ADAMTS20: variants seen among roughly 807,000 people sequenced by gnomAD.
The protein encoded by ADAMTS20 is A disintegrin and metalloproteinase with thrombospondin motifs 20.
A neutral mutation model predicts 260.1 loss-of-function variants in ADAMTS20; 225 were observed. That is an observed-to-expected ratio of 0.87 (90% CI 0.78 to 0.97). The LOEUF (loss-of-function observed/expected upper bound fraction) is 0.97. Ranked by LOEUF, ADAMTS20 falls within the 50% of genes least tolerant of loss-of-function variation. The pLI, the probability that ADAMTS20 is intolerant of heterozygous loss-of-function variation, is 0.00. For synonymous variants in ADAMTS20, 802 were observed against 769.5 expected, an observed-to-expected ratio of 1.04 and a Z score of -0.70; for missense variants, 2,400 against 2,337.7, an observed-to-expected ratio of 1.03 and a Z score of -0.55.
chr12:43,508,984 A>G (rs1263396716), intron 3 of ADAMTS20, among the ~76,000 whole-genome samples: 2 of 152,160 alleles, frequency 1.3e-5, no homozygotes, highest in Non-Finnish European at 2.9e-5. Context: ...ACTCCCACTT[A>G]TAAATATTGA....
chr12:43,410,817 G>T (rs565121689), intron 28 of ADAMTS20, among the ~76,000 whole-genome samples: 17 of 152,334 alleles, frequency 1.1e-4, no homozygotes, highest in African/African-American at 4.1e-4. Context: ...AGTGCAGAAT[G>T]AGAATTGGAA....
At chr12:43,435,654 A>AC (rs1371841715) in intron 18 of ADAMTS20, among the ~76,000 whole-genome samples, 1 of 144,816 alleles carries the variant, frequency 6.9e-6, no homozygotes, top group African/African-American at 2.5e-5. Context: ...AAAAAAAAAA[A>AC]AAACAAAAAA....
At chr12:43,471,727 C>T (rs2137394833) in intron 7 of ADAMTS20, among the ~76,000 whole-genome samples, 1 of 144,340 alleles carries the variant, frequency 6.9e-6, no homozygotes, top group Middle Eastern at 3.5e-3. Flanking sequence ...CAGGGGCACA[C>T]TGACACCTCA....
At chr12:43,405,229 C>CCAAAAAA (rs1410899520) in intron 28 of ADAMTS20, among the ~76,000 whole-genome samples, 1,856 of 52,796 alleles carry the variant, frequency 0.035, 466 homozygotes, top group East Asian at 0.19. Flanking sequence ...CTCATCTCTA[C>CCAAAAAA]AAAAAAAAAA....
intron 19 of ADAMTS20, among the ~76,000 whole-genome samples, chr12:43,433,994 G>T (rs1941501294): frequency 6.6e-6 from 1 of 152,040 alleles, no homozygotes; most frequent in Admixed American, 6.5e-5. Flanking sequence ...TTATTTTACA[G>T]ACAAAATTAC....
chr12:43,552,036 C>A lies in ADAMTS20; in HGVS notation c.-115G>T. Reference sequence around the variant, plus strand: ...CTCTCGCCCGCCGCTCTCCGCGCCTCAGCAGCCTAGGGAACAGCAGCGCGG... The same window carrying A: ...CTCTCGCCCGCCGCTCTCCGCGCCTAAGCAGCCTAGGGAACAGCAGCGCGG... On this transcript the variant is annotated 5_prime_UTR_variant, in exon 1 of 39. The change abolishes the stop of an existing upstream ORF in the 5' untranslated region. Coordinates refer to ENST00000389420, the MANE Select transcript of ADAMTS20 (RefSeq NM_025003.5). The A allele has an allele frequency of 1.1e-6, 1 of 887,444 alleles. No homozygotes were observed. Among genetic ancestry groups the A allele is most frequent in the Non-Finnish European group, 1.8e-6 (1 of 555,036 alleles). 55.0% of individuals were successfully genotyped at this position (887,444 alleles called of 1,614,324 possible). A position where few individuals can be genotyped will look rare whatever the true frequency, so the allele number is the denominator to read the frequency against.
intron 37 of ADAMTS20, among the ~76,000 whole-genome samples, chr12:43,367,298 A>T (rs1321312620): frequency 6.6e-6 from 1 of 152,048 alleles, no homozygotes; most frequent in Non-Finnish European, 1.5e-5. Flanking sequence ...TTCTCAAAAA[A>T]TAGTAGCAAA....
Position 43,454,018 on chromosome 12 carries a change from G to T in ADAMTS20, c.1649C>A (p.Thr550Lys), listed in dbSNP as rs775448634. 2.5e-6 allele frequency: 4 copies of T among 1,613,458 alleles called. No individual in the cohort carries two copies. In the African/African-American group the frequency reaches 5.3e-5, roughly 22 times the overall value. The change falls in exon 12 of 39, where the codon ACG becomes AAG. Residue 550 changes from threonine (T) to lysine (K), a missense_variant. Transcript: ENST00000389420. ...CRHGLCVNKE[T>K]ETRPVNGEWG... Reference sequence around the variant, plus strand: ...TTCACCATTTACAGGACGTGTTTCCGTTTCTTTGTTTACACATAGCCCATG... The same window carrying T: ...TTCACCATTTACAGGACGTGTTTCCTTTTCTTTGTTTACACATAGCCCATG...
In ADAMTS20 at chr12:43,551,968, G is replaced by C; in HGVS notation, c.-47C>G. 6.4e-7 allele frequency: 1 copy of C among 1,555,836 alleles called. No individual in the cohort carries two copies. Among genetic ancestry groups the C allele is most frequent in the Non-Finnish European group, 8.8e-7 (1 of 1,130,076 alleles). ...ATCGGGGAGGCCCACCAGAGCCGCC[G>C]GCAGCCAAGCCGGCTTCCCTCGCGC... is the stretch of plus-strand genomic sequence containing the variant. On this transcript the variant is annotated 5_prime_UTR_variant, in exon 1 of 39. Coordinates refer to ENST00000389420, the MANE Select transcript of ADAMTS20 (RefSeq NM_025003.5). The surrounding 1 kb of genome is among the most constrained non-coding windows in gnomAD (Gnocchi z 4.6).
At chr12:43,422,079 C>G (rs933481876) in intron 28 of ADAMTS20, among the ~76,000 whole-genome samples, 1 of 152,002 alleles carries the variant, frequency 6.6e-6, no homozygotes, top group Non-Finnish European at 1.5e-5. Flanking sequence ...ACAATCATTT[C>G]ACGCTGACTA....
In ADAMTS20 at chr12:43,432,689, T is replaced by C. The variant is rs765844539; in HGVS notation, c.2843A>G (p.Tyr948Cys). 18 of 1,613,382 alleles carry C rather than the reference T, an allele frequency of 1.1e-5. No homozygotes were observed. The highest frequency in any genetic ancestry group is 4.0e-5 in the African/African-American group (3 of 74,924). ...EGQTVQVDDH[Y>C]CGDQLKPPTQ... The stretch of plus-strand genomic sequence containing the variant: ...AGGAGGTTTAAGCTGGTCACCACAG[T>C]AGTGGTCATCAACTTGAACAGTCTG... Residue 948 changes from tyrosine to cysteine, a missense_variant, in exon 20 of 39, where the codon TAC (tyrosine) becomes TGC (cysteine). Transcript: ENST00000389420.
chr12:43,474,582 A>T, intron 7 of ADAMTS20, among the ~76,000 whole-genome samples: 1 of 100,206 alleles, frequency 1.0e-5, no homozygotes, highest in South Asian at 4.3e-4. Flanking sequence ...TTGATGCAAA[A>T]ATCCTCAATA....
At chr12:43,546,370 GA>G (rs1943440718) in intron 2 of ADAMTS20, among the ~76,000 whole-genome samples, 1 of 152,108 alleles carries the variant, frequency 6.6e-6, no homozygotes, top group Non-Finnish European at 1.5e-5. Context: ...CCTTCAACCA[GA>G]AAGACTGCAT....
At chr12:43,409,022 CT>C (rs567333315) in intron 28 of ADAMTS20, among the ~76,000 whole-genome samples, 21 of 151,892 alleles carry the variant, frequency 1.4e-4, no homozygotes, top group Admixed American at 3.3e-4. Context: ...ACCTGTATTC[CT>C]TTTTTTTACT....
chr12:43,360,919 G>A (rs181247974), intron 37 of ADAMTS20, among the ~76,000 whole-genome samples: 9 of 152,252 alleles, frequency 5.9e-5, no homozygotes, highest in Admixed American at 2.0e-4. Context: ...GACATTAGCC[G>A]AATATGATTA....
chr12:43,415,184 G>C (rs963021911), intron 28 of ADAMTS20, among the ~76,000 whole-genome samples: 1 of 152,036 alleles, frequency 6.6e-6, no homozygotes, highest in East Asian at 1.9e-4. Flanking sequence ...GTCAGAAAAG[G>C]GTTACCTTTT....
At chr12:43,469,086 G>A (rs577919310) in intron 7 of ADAMTS20, among the ~76,000 whole-genome samples, 229 of 152,086 alleles carry the variant, frequency 1.5e-3, no homozygotes, top group African/African-American at 5.3e-3. Context: ...AAGCTAATAA[G>A]AGAAAAAAAT....
chr12:43,369,445 CAG>C, intron 36 of ADAMTS20, 64 bp from the exon 37 acceptor site: 10 of 940,056 alleles, frequency 1.1e-5, no homozygotes, highest in Non-Finnish European at 1.4e-5. Context: ...TTGTCAAACA[CAG>C]AGTTTTCTTA....
At chr12:43,484,904 G>T (rs938203578) in intron 7 of ADAMTS20, among the ~76,000 whole-genome samples, 1 of 151,962 alleles carries the variant, frequency 6.6e-6, no homozygotes, top group African/African-American at 2.4e-5. Flanking sequence ...CAGTCATCAG[G>T]CTATCTAAAG....
Sources: gnomAD v4.1 joint callset for allele counts (sites outside exome capture counted in the v4.1 genomes callset) on GRCh38, gnomAD v4.1.1 for gene constraint, Gnocchi (gnomAD v3.1) non-coding constraint, MANE v1.5 for transcripts, NCBI Gene and HGNC (gene_info 2026-07-23, HGNC 2026-07-21) for gene names.